Variants in CRACR2A observed in about 807,000 individuals in gnomAD.
CRACR2A encodes EF-hand calcium-binding domain-containing protein 4B.
Under a neutral mutation model 90.5 loss-of-function variants are expected in CRACR2A, and 79 were observed. The ratio of observed to expected loss-of-function variants is 0.87; its 90% confidence interval spans 0.73 to 1.05. The LOEUF (loss-of-function observed/expected upper bound fraction) is 1.05. CRACR2A is among the 50% of genes least tolerant of loss of function. CRACR2A has a pLI of 0.00. For synonymous variants in CRACR2A, 338 were observed against 356.7 expected (o/e 0.95, Z 0.59); for missense variants, 823 against 897.2 (o/e 0.92, Z 1.06).
At chr12:3,685,206 C>T (rs753434323) in intron 4 of CRACR2A, among the ~76,000 whole-genome samples, 2 of 152,200 alleles carry the variant, frequency 1.3e-5, no homozygotes, top group African/African-American at 2.4e-5. Context: ...CAGCTGGATA[C>T]GAGTGGAAGG....
intron 4 of CRACR2A, among the ~76,000 whole-genome samples, chr12:3,687,847 G>A (rs1945589501): frequency 6.6e-6 from 1 of 152,200 alleles, no homozygotes; most frequent in Non-Finnish European, 1.5e-5. Flanking sequence ...AACCTTGCCA[G>A]CACCTGTTAT....
intron 13 of CRACR2A, among the ~76,000 whole-genome samples, chr12:3,639,015 A>C (rs1944511657): frequency 7.0e-6 from 1 of 142,312 alleles, no homozygotes; most frequent in South Asian, 2.1e-4. Flanking sequence ...CTCTATTCCC[A>C]AATAAGTCAA....
chr12:3,741,658 T>C (rs943692869), intron 1 of CRACR2A, among the ~76,000 whole-genome samples: 2 of 152,132 alleles, frequency 1.3e-5, no homozygotes, highest in African/African-American at 2.4e-5. Flanking sequence ...TCACACCCAA[T>C]GCTGCTGCCT....
chr12:3,690,229 T>C (rs1945630297), intron 4 of CRACR2A, among the ~76,000 whole-genome samples: 1 of 152,214 alleles, frequency 6.6e-6, no homozygotes, highest in South Asian at 2.1e-4. Flanking sequence ...CTTGGTTCTC[T>C]AGTTCTTTTA....
intron 7 of CRACR2A, among the ~76,000 whole-genome samples, chr12:3,664,924 T>C (rs1161647979): frequency 2.0e-5 from 3 of 152,246 alleles, no homozygotes; most frequent in Non-Finnish European, 2.9e-5. Flanking sequence ...GGAGAATCAC[T>C]TGAGCCCAGA....
At chr12:3,679,598 G>A (rs1229023489) in intron 5 of CRACR2A, among the ~76,000 whole-genome samples, 1 of 152,132 alleles carries the variant, frequency 6.6e-6, no homozygotes, top group Non-Finnish European at 1.5e-5. Flanking sequence ...ATCCTCCCAA[G>A]TCAATTAGAA....
intron 1 of CRACR2A, among the ~76,000 whole-genome samples, chr12:3,733,832 C>T (rs1166840526): frequency 1.3e-5 from 2 of 150,942 alleles, no homozygotes; most frequent in Non-Finnish European, 2.9e-5. Context: ...TTCTAGAATC[C>T]AATCCCACTA....
chr12:3,739,830 A>G (rs1256603183), intron 1 of CRACR2A, among the ~76,000 whole-genome samples: 1 of 151,676 alleles, frequency 6.6e-6, no homozygotes, highest in Non-Finnish European at 1.5e-5. Context: ...GCTACTCAGG[A>G]GGCTGAGGCA....
At chr12:3,642,633 T>C (rs1162200079) in intron 12 of CRACR2A, among the ~76,000 whole-genome samples, 5 of 152,244 alleles carry the variant, frequency 3.3e-5, no homozygotes, top group Non-Finnish European at 5.9e-5. Flanking sequence ...AATGAGAAAG[T>C]AACTAGCCAG....
At chr12:3,628,346 A>G (rs1425731381) in intron 15 of CRACR2A, among the ~76,000 whole-genome samples, 1 of 152,070 alleles carries the variant, frequency 6.6e-6, no homozygotes, top group African/African-American at 2.4e-5. Flanking sequence ...AGGAGGAGGA[A>G]GAAGAAGGAG....
chr12:3,689,041 C>G (rs551578976), intron 4 of CRACR2A, among the ~76,000 whole-genome samples: 2 of 152,048 alleles, frequency 1.3e-5, no homozygotes, highest in South Asian at 4.2e-4. Context: ...TGATTTTGTA[C>G]AAAGTACTGA....
At chr12:3,710,287 G>A (rs1417855785) in intron 3 of CRACR2A, among the ~76,000 whole-genome samples, 1 of 152,056 alleles carries the variant, frequency 6.6e-6, no homozygotes, top group Admixed American at 6.5e-5. Flanking sequence ...CTGTTTGTCT[G>A]TGCTAAGTCT....
At chr12:3,725,061 C>T (rs1184111761) in intron 2 of CRACR2A, among the ~76,000 whole-genome samples, 2 of 152,172 alleles carry the variant, frequency 1.3e-5, no homozygotes, top group Non-Finnish European at 2.9e-5. Flanking sequence ...CAGTCGCTGT[C>T]CTATAATAGT....
intron 10 of CRACR2A, among the ~76,000 whole-genome samples, chr12:3,653,321 C>T (rs542550808): frequency 2.6e-5 from 4 of 152,094 alleles, no homozygotes; most frequent in Non-Finnish European, 4.4e-5. Flanking sequence ...GTCAAATTAT[C>T]GACATAAGTG....
intron 17 of CRACR2A, among the ~76,000 whole-genome samples, chr12:3,620,468 T>C (rs998196971): frequency 3.9e-5 from 6 of 152,238 alleles, no homozygotes; most frequent in Non-Finnish European, 8.8e-5. Context: ...ATACCAATTT[T>C]AAATTTAAAT....
intron 17 of CRACR2A, among the ~76,000 whole-genome samples, chr12:3,625,945 CG>C (rs1565462037): frequency 6.6e-6 from 1 of 152,114 alleles, no homozygotes; most frequent in Non-Finnish European, 1.5e-5. Context: ...AAGATCGTGT[CG>C]TAAACTCCAA....
At chr12:3,655,986 CTCTTT>C (rs1250724533) in intron 9 of CRACR2A, among the ~76,000 whole-genome samples, 1 of 152,172 alleles carries the variant, frequency 6.6e-6, no homozygotes, top group Non-Finnish European at 1.5e-5. Flanking sequence ...CAGCATTCCC[CTCTTT>C]TCTTATACAG....
rs143813221 is a variant in CRACR2A at position 3,684,932 on chromosome 12, C to A, written c.229-4583G>T. Among the ~76,000 whole-genome samples, 282 of 152,284 alleles carry A rather than the reference C, an allele frequency of 1.9e-3. 6 individuals are homozygous for A. In the East Asian group the frequency reaches 0.036, roughly 19 times the overall value. ...GGGCCACGCAGCTGTGTGTGGGAGC[C>A]GCCAGATTAAGTAGCCAAGACAGGG... On this transcript the variant is annotated intron_variant, in intron 4 of 19. Coordinates refer to ENST00000440314, the MANE Select transcript of CRACR2A (RefSeq NM_001144958.2).
intron 14 of CRACR2A, among the ~76,000 whole-genome samples, chr12:3,635,663 G>T (rs1055455544): frequency 2.0e-5 from 3 of 151,960 alleles, no homozygotes; most frequent in African/African-American, 7.3e-5. Flanking sequence ...GCATCAACAC[G>T]CCTGGCTAAT....
Sources: gnomAD v4.1 joint callset for allele counts (sites outside exome capture counted in the v4.1 genomes callset) on GRCh38, gnomAD v4.1.1 for gene constraint, MANE v1.5 for transcripts, NCBI Gene and HGNC (gene_info 2026-07-23, HGNC 2026-07-21) for gene names.